CD99L2: variants seen among roughly 807,000 people sequenced by gnomAD.
CD99L2 encodes CD99 molecule like 2, also known as CD99 antigen-like protein 2.
Under a neutral mutation model 27.3 loss-of-function variants are expected in CD99L2, and 24 were observed. The observed-to-expected ratio is 0.88, with a 90% CI of 0.64 to 1.24. The LOEUF (loss-of-function observed/expected upper bound fraction) is 1.24. CD99L2 is among the 50% of genes most tolerant of loss of function. The probability of loss-of-function intolerance (pLI) is 0.00; values close to 1 mark genes in which losing one functional copy is unlikely to be tolerated. For missense variants in CD99L2, 255 were observed against 221.6 expected, an observed-to-expected ratio of 1.15 and a Z score of -0.96; for synonymous variants, 97 against 87.9, an observed-to-expected ratio of 1.10 and a Z score of -0.58.
At chrX:150,795,163 A>G (rs1557419856) in intron 6 of CD99L2, 43 bp downstream of exon 6, 1 of 1,190,044 alleles carries the variant, frequency 8.4e-7, no homozygotes, top group Non-Finnish European at 1.1e-6. Context: ...GCTCTGTGGG[A>G]TGATGTAATT....
chrX:150,772,638 G>A (rs1212654084), intron 9 of CD99L2, among the ~76,000 whole-genome samples: 2 of 113,020 alleles, frequency 1.8e-5, no homozygotes, highest in African/African-American at 6.4e-5. Context: ...CGTGAGGTGT[G>A]GAGGAGACTG....
intron 7 of CD99L2, among the ~76,000 whole-genome samples, chrX:150,787,770 AGC>A (rs1180293866): frequency 4.9e-4 from 49 of 100,445 alleles, no homozygotes; most frequent in African/African-American, 1.7e-3. Context: ...GGGGAGGGAT[AGC>A]ACTAGGAGAT....
chrX:150,795,401 C>T lies in CD99L2; in HGVS notation c.346+17G>A. 8.3e-7 allele frequency: 1 copy of T among 1,211,292 alleles called. No homozygotes were observed. Among genetic ancestry groups the T allele is most frequent in the African/African-American group, 1.7e-5 (1 of 57,797 alleles). On this transcript the variant is annotated intron_variant, in intron 5 of 10. Coordinates refer to ENST00000370377, the MANE Select transcript of CD99L2 (RefSeq NM_031462.4). ...GGGATCCTTGCCTTACTACTCTCCT[C>T]AGAGCGGCCACCTTACCTAAAGTAT... is the stretch of plus-strand genomic sequence containing the variant.
intron 4 of CD99L2, among the ~76,000 whole-genome samples, chrX:150,813,333 G>T (rs782601441): frequency 1.8e-5 from 2 of 111,965 alleles, no homozygotes; most frequent in Non-Finnish European, 3.8e-5. Context: ...GCTATTAGGG[G>T]AAACTGGGTG....
At chrX:150,847,049 AGAGGGAGAAAGGCGCT>A (rs1445546271) in intron 1 of CD99L2, among the ~76,000 whole-genome samples, 1 of 112,431 alleles carries the variant, frequency 8.9e-6, no homozygotes, top group Admixed American at 9.4e-5. Flanking sequence ...AGGCCAATGC[AGAGGGAGAAAGGCGCT>A]GAGCACGAGG....
intron 7 of CD99L2, among the ~76,000 whole-genome samples, chrX:150,787,920 AT>A (rs1557419609): frequency 5.6e-5 from 5 of 88,720 alleles, no homozygotes; most frequent in Non-Finnish European, 1.1e-4. Flanking sequence ...ATATATATAT[AT>A]ATATAAAAGG....
Position 150,786,035 on chromosome X carries a change from T to C in CD99L2, c.496+7656A>G, listed in dbSNP as rs190458501. 2.4e-4 allele frequency among the ~76,000 whole-genome samples: 27 copies of C among 111,444 alleles called. 1 individual carries two copies. The East Asian group carries it at 6.8e-3, about 28-fold the overall frequency. ...GGAATGAAATTGCTGGGTCGCTAGG[T>C]AGGTCTATGTTCAGCTTTAGAAGAA... On this transcript the variant is annotated intron_variant, in intron 7 of 10. Transcript: ENST00000370377.
At chrX:150,831,102 T>C in intron 2 of CD99L2, 129 bp downstream of exon 2, 1 of 563,446 alleles carries the variant, frequency 1.8e-6, no homozygotes, top group African/African-American at 2.3e-5. Flanking sequence ...AGCTACCGTG[T>C]CCGGGCACTA....
intron 9 of CD99L2, chrX:150,771,888 C>A: frequency 1.8e-6 from 2 of 1,099,296 alleles, no homozygotes; most frequent in Admixed American, 5.2e-5. Context: ...AACATGCGGG[C>A]TTTCCACACT....
At position 150,795,482 on chromosome X, in the gene CD99L2, T is replaced by A; in HGVS notation, c.282A>T (p.Arg94Ser). ...RRKPGIGGRE[R>S]WNHVTTTTKR... ...TGGTCGTGGTGGTTACATGGTTCCA[T>A]CTCTCTAAAAGGGGAAGGGAGGACA... The change falls in exon 5 of 11, where the codon AGA becomes AGT. Residue 94 changes from arginine to serine, a missense_variant. By Grantham distance (110) the Arg-to-Ser change is moderately radical (BLOSUM62 -1). Coordinates refer to ENST00000370377, the MANE Select transcript of CD99L2 (RefSeq NM_031462.4). The A allele has an allele frequency of 8.3e-7, 1 of 1,210,661 alleles. No individual in the cohort carries two copies. Among genetic ancestry groups the A allele is most frequent in the African/African-American group, 1.7e-5 (1 of 57,519 alleles).
At chrX:150,820,644 C>T (rs1160910683) in intron 2 of CD99L2, among the ~76,000 whole-genome samples, 2 of 111,494 alleles carry the variant, frequency 1.8e-5, no homozygotes, top group East Asian at 5.6e-4. Context: ...CACTCTTATT[C>T]AACATTGTAA....
chrX:150,780,915 T>C (rs782640150), intron 7 of CD99L2, among the ~76,000 whole-genome samples: 298 of 112,409 alleles, frequency 2.7e-3, no homozygotes, highest in Non-Finnish European at 4.7e-3. Flanking sequence ...GTGGTGGAAA[T>C]GGAGGTTGGC....
chrX:150,849,482 C>A (rs2046756706), intron 1 of CD99L2, among the ~76,000 whole-genome samples: 1 of 111,106 alleles, frequency 9.0e-6, no homozygotes, highest in Admixed American at 9.6e-5. Flanking sequence ...ATTACTTGAG[C>A]CAGCCAGGGT....
intron 1 of CD99L2, among the ~76,000 whole-genome samples, chrX:150,872,503 C>G (rs2047172554): frequency 9.8e-6 from 1 of 102,247 alleles, no homozygotes; most frequent in East Asian, 3.1e-4. Flanking sequence ...ATCTTAATAT[C>G]AGAAAGTTTT....
At chrX:150,890,023 G>T (rs2047480715) in intron 1 of CD99L2, among the ~76,000 whole-genome samples, 1 of 109,865 alleles carries the variant, frequency 9.1e-6, no homozygotes, top group African/African-American at 3.3e-5. Flanking sequence ...CGTGGAGGTG[G>T]GCGCCTGTAG....
At chrX:150,770,408 G>C (rs782046451) in intron 9 of CD99L2, 39 bp from the exon 10 acceptor site, 1 of 1,146,205 alleles carries the variant, frequency 8.7e-7, no homozygotes. Context: ...ATGCGCACAG[G>C]ACCTAAGGGT....
chrX:150,773,149 C>G (rs898960601), intron 9 of CD99L2, among the ~76,000 whole-genome samples: 2 of 112,605 alleles, frequency 1.8e-5, no homozygotes, highest in African/African-American at 3.2e-5. Context: ...CAGCCTCAAG[C>G]CAGCCTCTGA....
intron 1 of CD99L2, among the ~76,000 whole-genome samples, chrX:150,870,779 C>G (rs1175210216): frequency 2.7e-5 from 3 of 110,706 alleles, no homozygotes; most frequent in African/African-American, 9.9e-5. Flanking sequence ...ATCCTAGCAG[C>G]CCCAGAATCC....
intron 4 of CD99L2, among the ~76,000 whole-genome samples, chrX:150,804,052 C>T (rs1367305458): frequency 1.8e-5 from 2 of 112,177 alleles, no homozygotes; most frequent in African/African-American, 6.5e-5. Flanking sequence ...ACACTCTAGA[C>T]CAAATGGACC....
Sources: gnomAD v4.1 joint callset for allele counts (sites outside exome capture counted in the v4.1 genomes callset) on GRCh38, gnomAD v4.1.1 for gene constraint, MANE v1.5 for transcripts, NCBI Gene and HGNC (gene_info 2026-07-23, HGNC 2026-07-21) for gene names.